The following ZNF418 variants were observed in gnomAD, a reference collection of about 807,000 sequenced individuals.
ZNF418 encodes zinc finger protein 418.
In ZNF418, 32 loss-of-function variants were observed where a neutral mutation model predicts 32.0. That is an observed-to-expected ratio of 1.00 (90% CI 0.75 to 1.34). The LOEUF (loss-of-function observed/expected upper bound fraction) is 1.34. ZNF418 is among the 40% of genes most tolerant of loss of function. ZNF418 has a pLI of 0.00. For synonymous variants in ZNF418, 276 were observed against 270.7 expected, an observed-to-expected ratio of 1.02 and a Z score of -0.19; for missense variants, 804 against 812.5, an observed-to-expected ratio of 0.99 and a Z score of 0.13.
rs2072273832 is a variant in ZNF418, at chr19:57,927,211, TAA to T, written c.968_969del (p.Phe323Ter). On this transcript the variant is annotated frameshift_variant, in exon 4 of 6. Transcript: ENST00000396147. LOFTEE classifies it low-confidence loss of function (END_TRUNC). Reference sequence around the variant, plus strand: ...TGTTTAATGAGAGTACCATTTTGACTAAAAGATTTCCCACATTCTCCACACTC... The same window carrying T: ...TGTTTAATGAGAGTACCATTTTGACTAAGATTTCCCACATTCTCCACACTC... ...PYECGECGKSFSQNGTLIKHQ... is the reference protein window; with the variant it reads ...PYECGECGKSXSQNGTLIKHQ... 6.2e-7 allele frequency: 1 copy of T among 1,614,162 alleles called. No individual in the cohort carries two copies. The highest frequency in any genetic ancestry group is 8.5e-7 in the Non-Finnish European group (1 of 1,180,034).
rs186313067 is a variant in ZNF418, at chr19:57,923,824, C to T, written c.*528-535G>A. Among the ~76,000 whole-genome samples the T allele has an allele frequency of 2.9e-3, 445 of 152,236 alleles. 2 individuals are homozygous for T. The highest frequency in any genetic ancestry group is 2.9e-3 in the Non-Finnish European group (200 of 68,014). On this transcript the variant is annotated intron_variant, in intron 4 of 5. Transcript: ENST00000396147. ...ATCTCCTGACCTCGTGATCCGCCTGCCTCAGCCTCCCAAAGTGCTGGGATT... is the reference window on the plus strand; with the variant it reads ...ATCTCCTGACCTCGTGATCCGCCTGTCTCAGCCTCCCAAAGTGCTGGGATT...
Position 57,930,527 on chromosome 19 carries a change from C to T in ZNF418, c.34G>A (p.Val12Met), listed in dbSNP as rs746531986. The T allele has an allele frequency of 6.2e-7, 1 of 1,614,102 alleles. No homozygotes were observed. Among genetic ancestry groups the T allele is most frequent in the South Asian group, 1.1e-5 (1 of 91,080 alleles). The change falls in exon 3 of 6, where the codon GTG (valine) becomes ATG (methionine). Residue 12 changes from valine to methionine, a missense_variant. By Grantham distance (21) the Val-to-Met change is conservative (BLOSUM62 1). This residue lies in a region of ZNF418 where 307 missense variants were observed against 304.9 expected (regional missense o/e 1.01). Coordinates refer to ENST00000396147, the MANE Select transcript of ZNF418 (RefSeq NM_133460.3). ...QGTVAFEDVA[V>M]NFSQEEWSLL... ...CTCCACTCCTCCTGGGAAAAGTTCA[C>T]AGCCACATCTTCAAATGCCACAGTG...
rs898928357 is a variant in ZNF418, at chr19:57,930,478, C to T, written c.83G>A (p.Cys28Tyr). The T allele has an allele frequency of 3.1e-6, 5 of 1,614,022 alleles. No individual in the cohort carries two copies. Among genetic ancestry groups the T allele is most frequent in the African/African-American group, 1.3e-5 (1 of 74,914 alleles). ...CTCCAGCATCACGTCATGGTAAAGG[C>T]ATCTCTGAACCTCACTAAGGAGACT... ...EWSLLSEVQRCLYHDVMLENW... is the reference protein window; with the variant it reads ...EWSLLSEVQRYLYHDVMLENW... The change falls in exon 3 of 6, where the codon TGC becomes TAC. Residue 28 changes from cysteine to tyrosine, a missense_variant. Transcript: ENST00000396147.
Position 57,926,366 on chromosome 19 carries a change from C to T in ZNF418, c.1815G>A (p.Ala605=), listed in dbSNP as rs746811618. 61 of 1,602,578 alleles carry T rather than the reference C, an allele frequency of 3.8e-5. No homozygotes were observed. In the East Asian group the frequency reaches 4.9e-4, roughly 13 times the overall value. Residue 605 remains alanine (A), a synonymous_variant, in exon 4 of 6, where the codon GCG becomes GCA. Coordinates refer to ENST00000396147, the MANE Select transcript of ZNF418 (RefSeq NM_133460.3). ...TATGAAGTCTCTGATGTTTAAAATG[C>T]GCAGACCTTCGAGTAAATGTTTTTC... ...ECGKTFTRRS[A]HFKHQRLHTR...
chr19:57,935,264 C>A lies in ZNF418; in HGVS notation c.-184G>T, dbSNP rs2072653441. The stretch of plus-strand genomic sequence containing the variant: ...ACGGGGCCTAAGATCTGCCTCTGTG[C>A]AGCAAGAAGGACTCTTCACCTTCTG... On this transcript the variant is annotated 5_prime_UTR_variant, in exon 1 of 6. Transcript: ENST00000396147. The A allele has an allele frequency of 1.7e-6, 2 of 1,161,988 alleles. No homozygotes were observed. The highest frequency in any genetic ancestry group is 4.0e-5 in the Admixed American group (1 of 24,720). The allele number at this position is 1,161,988 out of a possible 1,614,324, so 72.0% of individuals were successfully genotyped here. A position where few individuals can be genotyped will look rare whatever the true frequency, so the allele number is the denominator to read the frequency against.
chr19:57,925,415 C>A (rs576789777), intron 4 of ZNF418, among the ~76,000 whole-genome samples: 3 of 151,050 alleles, frequency 2.0e-5, no homozygotes, highest in Admixed American at 1.3e-4. Flanking sequence ...GAGCTGAGAT[C>A]ACGCCACTGT....
intron 3 of ZNF418, among the ~76,000 whole-genome samples, chr19:57,929,221 A>C (rs1251966190): frequency 1.3e-5 from 2 of 152,240 alleles, no homozygotes; most frequent in East Asian, 1.9e-4. Flanking sequence ...AGGAAAAGAC[A>C]GAAACAGTGC....
In ZNF418 at chr19:57,926,773, T is replaced by C. The variant is rs2072247593; in HGVS notation, c.1408A>G (p.Ile470Val). 7 of 1,613,910 alleles carry C rather than the reference T, an allele frequency of 4.3e-6. No homozygotes were observed. Among genetic ancestry groups the C allele is most frequent in the African/African-American group, 1.3e-5 (1 of 74,878 alleles). ...RKLFRGKSHLIEHQRVHTGER... is the reference protein window; with the variant it reads ...RKLFRGKSHLVEHQRVHTGER... ...CCAGTGTGAACTCTCTGGTGTTCAA[T>C]GAGGTGGGACTTGCCCCTAAATAAT... The change falls in exon 4 of 6, where the codon ATT (isoleucine) becomes GTT (valine). Residue 470 changes from isoleucine to valine, a missense_variant. By Grantham distance (29) the Ile-to-Val change is conservative. Around this residue, in one of 3 missense-constraint regions of ZNF418, gnomAD observed 475 missense variants for 458.6 expected, o/e 1.04. Transcript: ENST00000396147.
intron 5 of ZNF418, 32 bp from the exon 6 acceptor site, chr19:57,922,661 G>C (rs1397298595): frequency 1.8e-5 from 7 of 398,296 alleles, no homozygotes; most frequent in African/African-American, 1.4e-4. Context: ...TTATACATTT[G>C]ATACTTAAAT....
At chr19:57,923,577 T>C (rs973959949) in intron 4 of ZNF418, among the ~76,000 whole-genome samples, 7 of 150,806 alleles carry the variant, frequency 4.6e-5, no homozygotes, top group Admixed American at 2.7e-4. Context: ...TATATACACA[T>C]ATATATATAT....
chr19:57,933,733 A>G, intron 2 of ZNF418, 84 bp downstream of exon 2: 2 of 1,561,552 alleles, frequency 1.3e-6, no homozygotes, highest in South Asian at 2.3e-5. Flanking sequence ...AAAAAAAAGG[A>G]AAATCTAGTT....
chr19:57,930,705 G>T, intron 2 of ZNF418, 151 bp from the exon 3 acceptor site: 2 of 1,139,414 alleles, frequency 1.8e-6, no homozygotes, highest in Non-Finnish European at 2.5e-6. Context: ...TTGTCTCTTC[G>T]TGGGCCCACT....
In ZNF418 at chr19:57,926,269, T is replaced by G; in HGVS notation, c.1912A>C (p.Arg638=). 2 of 1,612,692 alleles carry G rather than the reference T, an allele frequency of 1.2e-6. No individual in the cohort carries two copies. The highest frequency in any genetic ancestry group is 8.5e-7 in the Non-Finnish European group (1 of 1,179,312). Residue 638 remains arginine (R), a synonymous_variant, in exon 4 of 6, where the codon AGG becomes CGG. Coordinates refer to ENST00000396147, the MANE Select transcript of ZNF418 (RefSeq NM_133460.3). ...FAETFSLTEH[R]RVHTGERPYE... ...GGCCTTTCTCCAGTGTGTACTCTCC[T>G]GTGTTCAGTAAGACTGAAGGTTTCA...
At position 57,922,551 on chromosome 19, in the gene ZNF418, T is replaced by A. The variant is rs1197153853; in HGVS notation, c.*704A>T. 2 of 398,376 alleles carry A rather than the reference T, an allele frequency of 5.0e-6. No homozygotes were observed. The highest frequency in any genetic ancestry group is 4.4e-5 in the Admixed American group (1 of 22,698). 24.7% of individuals were successfully genotyped at this position (398,376 alleles called of 1,614,324 possible). A position where few individuals can be genotyped will look rare whatever the true frequency, so the allele number is the denominator to read the frequency against. ...GATCATAATCAGTTCATATTTATAA[T>A]CTTGGGCTGGAGGCAAATGCATACA... is the stretch of plus-strand genomic sequence containing the variant. On this transcript the variant is annotated 3_prime_UTR_variant, in exon 6 of 6. Coordinates refer to ENST00000396147, the MANE Select transcript of ZNF418 (RefSeq NM_133460.3).
Position 57,926,555 on chromosome 19 carries a change from T to C in ZNF418, c.1626A>G (p.Glu542=). The change falls in exon 4 of 6, where the codon GAA becomes GAG. Residue 542 remains glutamate (E), a synonymous_variant. Coordinates refer to ENST00000396147, the MANE Select transcript of ZNF418 (RefSeq NM_133460.3). The part of the protein sequence containing the change: ...HTGERPYECG[E]CGKSFHQSSS... Reference sequence around the variant, plus strand: ...AGCTCTGATGAAATGACTTTCCACATTCTCCACATTCATAAGGCCTTTCTC... The same window carrying C: ...AGCTCTGATGAAATGACTTTCCACACTCTCCACATTCATAAGGCCTTTCTC... The C allele has an allele frequency of 6.2e-7, 1 of 1,614,130 alleles. No homozygotes were observed. The highest frequency in any genetic ancestry group is 8.5e-7 in the Non-Finnish European group (1 of 1,180,030).
rs1568547843 is a variant in ZNF418 at position 57,928,123 on chromosome 19, C to T, written c.134-76G>A. 4.8e-6 allele frequency: 6 copies of T among 1,257,416 alleles called. No homozygotes were observed. The East Asian group carries it at 1.2e-4, about 25-fold the overall frequency. The allele number at this position is 1,257,416 out of a possible 1,614,324, so 77.9% of individuals were successfully genotyped here. ...ACAGCCCACCCACAAGCGTGTCTGA[C>T]AAACCAAGGAATTACTCCATGGAAA... On this transcript the variant is annotated intron_variant, in intron 3 of 5. Coordinates refer to ENST00000396147, the MANE Select transcript of ZNF418 (RefSeq NM_133460.3).
chr19:57,927,447 A>G lies in ZNF418; in HGVS notation c.734T>C (p.Val245Ala). Residue 245 changes from valine (V) to alanine (A), a missense_variant, in exon 4 of 6, where the codon GTC (valine) becomes GCC (alanine). Transcript: ENST00000396147. ...AGTGTGAACTCTCTGATGATTACTG[A>G]CGCTATCATATTTGCTAAAGGATTT... is the stretch of plus-strand genomic sequence containing the variant. Reference protein sequence around the residue: ...CGKSFSKYDSVSNHQRVHTGK... With the variant: ...CGKSFSKYDSASNHQRVHTGK... 6.2e-7 allele frequency: 1 copy of G among 1,614,262 alleles called. No homozygotes were observed. Among genetic ancestry groups the G allele is most frequent in the Non-Finnish European group, 8.5e-7 (1 of 1,180,056 alleles).
chr19:57,926,420 T>C lies in ZNF418; in HGVS notation c.1761A>G (p.Gly587=), dbSNP rs367921051. The C allele has an allele frequency of 4.1e-5, 66 of 1,614,098 alleles. No individual in the cohort carries two copies. Among genetic ancestry groups the C allele is most frequent in the Non-Finnish European group, 4.6e-5 (54 of 1,180,040 alleles). The change falls in exon 4 of 6, where the codon GGA becomes GGG. Residue 587 remains glycine, a synonymous_variant. Coordinates refer to ENST00000396147, the MANE Select transcript of ZNF418 (RefSeq NM_133460.3). Reference sequence around the variant, plus strand: ...ATTCCCTGCATTCATAAGGCCTTTCTCCAGTGTGAACTCTCCTGTGTTCAA... The same window carrying C: ...ATTCCCTGCATTCATAAGGCCTTTCCCCAGTGTGAACTCTCCTGTGTTCAA... ...SLLEHRRVHT[G]ERPYECRECG...
chr19:57,929,088 A>G lies in ZNF418; in HGVS notation c.134-1041T>C, dbSNP rs1162048466. On this transcript the variant is annotated intron_variant, in intron 3 of 5. Transcript: ENST00000396147. ...AGTATCGGACAGCACTCTAGAAGTA[A>G]ACATGAGAAAATAAATGGGTGAGAT... Among the ~76,000 whole-genome samples the G allele has an allele frequency of 3.3e-5, 5 of 152,200 alleles. No individual in the cohort carries two copies. In the East Asian group the frequency reaches 9.6e-4, roughly 29 times the overall value.
Sources: allele counts gnomAD v4.1 joint callset (sites outside exome capture counted in the v4.1 genomes callset), GRCh38; gene constraint gnomAD v4.1.1; regional missense constraint gnomAD v4.1.1; transcripts MANE v1.5; gene names NCBI Gene and HGNC (gene_info 2026-07-23, HGNC 2026-07-21).